Variants in BEND7 observed in about 807,000 individuals in gnomAD.
The protein encoded by BEND7 is BEN domain containing 7, also known as BEN domain-containing protein 7.
BEND7 carries 28 observed loss-of-function variants against 50.9 expected under a neutral mutation model. The observed-to-expected ratio is 0.55, with a 90% CI of 0.41 to 0.75. The LOEUF (loss-of-function observed/expected upper bound fraction) is 0.75. BEND7 is among the 30% of genes least tolerant of loss of function. The pLI is 0.00. For synonymous variants in BEND7, 170 were observed against 183.9 expected (o/e 0.92, Z 0.61); for missense variants, 477 against 491.3 (o/e 0.97, Z 0.28).
intron 2 of BEND7, among the ~76,000 whole-genome samples, chr10:13,507,236 G>C (rs1044692611): frequency 6.6e-6 from 1 of 152,114 alleles, no homozygotes; most frequent in African/African-American, 2.4e-5. Context: ...AGCTGGTAAA[G>C]TGAGTCAAAC....
chr10:13,492,603 C>A lies in BEND7; in HGVS notation c.837+8G>T. The A allele has an allele frequency of 6.2e-7, 1 of 1,612,952 alleles. No homozygotes were observed. The highest frequency in any genetic ancestry group is 8.5e-7 in the Non-Finnish European group (1 of 1,179,736). ...ATTAGAGTCAGCAGCCAGAAAATGG[C>A]AACTTACATCTGAGGAAGGTGATTC... is the stretch of plus-strand genomic sequence containing the variant. On this transcript the variant is annotated splice_region_variant and intron_variant, in intron 5 of 8. Coordinates refer to ENST00000466271, the MANE Select transcript of BEND7 (RefSeq NM_001369863.1).
chr10:13,441,135 C>G lies in BEND7; in HGVS notation c.*608G>C, dbSNP rs865914190. 96 of 985,210 alleles carry G rather than the reference C, an allele frequency of 9.7e-5. No individual in the cohort carries two copies. The African/African-American group carries it at 1.5e-3, about 15-fold the overall frequency. 61.0% of individuals were successfully genotyped at this position (985,210 alleles called of 1,614,324 possible). A position where few individuals can be genotyped will look rare whatever the true frequency, so the allele number is the denominator to read the frequency against. ...ATTCTTCCAGATCAGACATAAAGAG[C>G]ATCTTGGGAATTGATACCACAACAC... On this transcript the variant is annotated 3_prime_UTR_variant, in exon 9 of 9. Transcript: ENST00000466271.
chr10:13,489,409 C>T (rs2076486211), intron 5 of BEND7, among the ~76,000 whole-genome samples: 1 of 152,122 alleles, frequency 6.6e-6, no homozygotes, highest in South Asian at 2.1e-4. Context: ...AATGGGCACC[C>T]GCAAGTCCTT....
chr10:13,498,812 T>G (rs2077226552), intron 3 of BEND7, among the ~76,000 whole-genome samples: 1 of 152,208 alleles, frequency 6.6e-6, no homozygotes, highest in African/African-American at 2.4e-5. Flanking sequence ...TACTGGCTTA[T>G]GTACTACTGA....
At chr10:13,456,294 G>A (rs903211832) in intron 6 of BEND7, among the ~76,000 whole-genome samples, 7 of 152,180 alleles carry the variant, frequency 4.6e-5, no homozygotes, top group Non-Finnish European at 1.0e-4. Context: ...AGGAGCAGCT[G>A]AGGAGCAACC....
chr10:13,500,022 G>A lies in BEND7; in HGVS notation c.204C>T (p.Asp68=). The change falls in exon 3 of 9, where the codon GAC becomes GAT. Residue 68 remains aspartate, a synonymous_variant. Transcript: ENST00000466271. ...CTCGCTGATAGATCCGCCCAGTGCT[G>A]TCGTTCAGCAATCTTCTCATCCCTG... ...QITGMRRLLN[D]STGRIYQRVG... 6.2e-7 allele frequency: 1 copy of A among 1,613,258 alleles called. No individual in the cohort carries two copies. The highest frequency in any genetic ancestry group is 8.5e-7 in the Non-Finnish European group (1 of 1,179,300).
chr10:13,519,592 A>C (rs2078946409), intron 2 of BEND7, among the ~76,000 whole-genome samples: 1 of 152,258 alleles, frequency 6.6e-6, no homozygotes, highest in Admixed American at 6.5e-5. Context: ...GCGTTTTACC[A>C]TACAGGATTT....
At chr10:13,452,162 T>C (rs1837895526) in intron 7 of BEND7, among the ~76,000 whole-genome samples, 1 of 152,226 alleles carries the variant, frequency 6.6e-6, no homozygotes, top group Non-Finnish European at 1.5e-5. Context: ...TTCTTTTTTT[T>C]CTAACCTTAA....
intron 6 of BEND7, among the ~76,000 whole-genome samples, chr10:13,455,775 T>C (rs539547417): frequency 6.6e-6 from 1 of 152,250 alleles, no homozygotes; most frequent in African/African-American, 2.4e-5. Context: ...GGTTCTAGGC[T>C]GGAGCAAACA....
chr10:13,526,900 CGTCA>C (rs1037683963), intron 1 of BEND7, among the ~76,000 whole-genome samples: 8 of 152,184 alleles, frequency 5.3e-5, no homozygotes, highest in Admixed American at 4.6e-4. Flanking sequence ...AAACTTGCTA[CGTCA>C]GTCAAAGTTT....
intron 6 of BEND7, among the ~76,000 whole-genome samples, chr10:13,456,264 T>C (rs7909665): frequency 0.73 from 110,910 of 151,878 alleles, 41,057 homozygotes; most frequent in East Asian, 0.88. Context: ...GAAGAATTGT[T>C]CTGAGATACC....
chr10:13,439,853 TCCCAGCCCCTCGG>T (rs1835115792), downstream of BEND7, among the ~76,000 whole-genome samples: 2 of 152,316 alleles, frequency 1.3e-5, no homozygotes, highest in Middle Eastern at 3.4e-3. Context: ...GCCCGCGCCG[TCCCAGCCCCTCGG>T]CATGGCGCAA....
intron 5 of BEND7, 123 bp from the exon 6 acceptor site, chr10:13,481,247 CT>C: frequency 2.2e-6 from 2 of 900,392 alleles, no homozygotes; most frequent in Non-Finnish European, 3.3e-6. Context: ...TGAAAACACT[CT>C]TGGCTTTCTT....
At chr10:13,497,892 C>T (rs2077137266) in intron 3 of BEND7, among the ~76,000 whole-genome samples, 1 of 151,950 alleles carries the variant, frequency 6.6e-6, no homozygotes, top group Non-Finnish European at 1.5e-5. Context: ...TTTAGGAATA[C>T]TATAGAAAAA....
At chr10:13,467,613 T>C (rs2074383225) in intron 6 of BEND7, among the ~76,000 whole-genome samples, 1 of 152,256 alleles carries the variant, frequency 6.6e-6, no homozygotes, top group Admixed American at 6.5e-5. Flanking sequence ...TTAATTCCTA[T>C]ATGCCATTTG....
intron 8 of BEND7, chr10:13,442,646 A>G (rs1350251867): frequency 6.6e-6 from 1 of 152,242 alleles, no homozygotes; most frequent in Non-Finnish European, 1.5e-5. Context: ...AAAACCCTGT[A>G]GCACTCCGTT....
chr10:13,458,377 G>A (rs946345123), intron 6 of BEND7, among the ~76,000 whole-genome samples: 1 of 152,176 alleles, frequency 6.6e-6, no homozygotes, highest in Non-Finnish European at 1.5e-5. Context: ...CCACACTGTC[G>A]TTCTCCTGAG....
At chr10:13,527,835 G>A in intron 1 of BEND7, 1 of 983,920 alleles carries the variant, frequency 1.0e-6, no homozygotes, top group Middle Eastern at 5.2e-4. Context: ...CCTAGAGTGT[G>A]GTGTACACCT....
intron 6 of BEND7, among the ~76,000 whole-genome samples, chr10:13,455,170 TCAAA>T (rs1838658665): frequency 6.6e-6 from 1 of 151,904 alleles, no homozygotes; most frequent in Non-Finnish European, 1.5e-5. Flanking sequence ...AGACTCTGAC[TCAAA>T]CAAACACACA....
Sources: allele counts gnomAD v4.1 joint callset (sites outside exome capture counted in the v4.1 genomes callset), GRCh38; gene constraint gnomAD v4.1.1; transcripts MANE v1.5; gene names NCBI Gene and HGNC (gene_info 2026-07-23, HGNC 2026-07-21).